Variants in PROSER1 observed in about 807,000 individuals in gnomAD.
PROSER1 encodes proline and serine-rich protein 1.
A neutral mutation model predicts 71.8 loss-of-function variants in PROSER1; 36 were observed. The observed-to-expected ratio is 0.50, with a 90% CI of 0.38 to 0.66. The LOEUF (loss-of-function observed/expected upper bound fraction) is 0.66. Among genes scored for constraint, PROSER1 ranks in the 30% least tolerant of loss-of-function variants. PROSER1 has a pLI of 0.00. For synonymous variants in PROSER1, 490 were observed against 452.4 expected, an observed-to-expected ratio of 1.08 and a Z score of -1.06; for missense variants, 1,107 against 1,135.0, an observed-to-expected ratio of 0.98 and a Z score of 0.35.
chr13:39,011,204 T>C lies in PROSER1; in HGVS notation c.*161A>G. On this transcript the variant is annotated 3_prime_UTR_variant, in exon 13 of 13. Transcript: ENST00000352251. ...TTTACATAGGGGAGTGTTCACACTT[T>C]AAAATGCAACCACAATTTTCAAATT... The C allele has an allele frequency of 4.2e-6, 3 of 711,844 alleles. No individual in the cohort carries two copies. The South Asian group carries it at 5.2e-5, about 12-fold the overall frequency. The allele number at this position is 711,844 out of a possible 1,614,324, so 44.1% of individuals were successfully genotyped here.
At chr13:39,011,782 G>A (rs543377541) in intron 12 of PROSER1, among the ~76,000 whole-genome samples, 1 of 152,270 alleles carries the variant, frequency 6.6e-6, no homozygotes, top group South Asian at 2.1e-4. Context: ...AATTACAGAA[G>A]ACAAGTTAAC....
intron 1 of PROSER1, among the ~76,000 whole-genome samples, chr13:39,034,766 TG>T (rs1871018789): frequency 6.6e-6 from 1 of 152,208 alleles, no homozygotes. Flanking sequence ...TAATTCCTTT[TG>T]AGCGTCCTCA....
chr13:39,036,759 A>G (rs1871129466), intron 1 of PROSER1, among the ~76,000 whole-genome samples: 1 of 152,234 alleles, frequency 6.6e-6, no homozygotes. Flanking sequence ...CAACGCAACA[A>G]ATATACTCTA....
At chr13:39,022,955 C>A in intron 8 of PROSER1, 97 bp downstream of exon 8, 1 of 978,194 alleles carries the variant, frequency 1.0e-6, no homozygotes, top group Non-Finnish European at 1.6e-6. Flanking sequence ...TTCATAAGTG[C>A]TACAGATTTG....
intron 5 of PROSER1, 121 bp downstream of exon 5, chr13:39,028,106 A>T: frequency 1.7e-6 from 1 of 571,766 alleles, no homozygotes; most frequent in East Asian, 3.0e-5. Context: ...GTTCATTTTT[A>T]ACCCATTGTA....
intron 1 of PROSER1, among the ~76,000 whole-genome samples, chr13:39,036,602 G>A (rs1308767615): frequency 6.6e-6 from 1 of 152,076 alleles, no homozygotes; most frequent in Non-Finnish European, 1.5e-5. Context: ...TGGGAAATGC[G>A]ATCCACACAA....
chr13:39,013,000 A>G lies in PROSER1; in HGVS notation c.2252T>C (p.Leu751Pro). Residue 751 changes from leucine to proline, a missense_variant, in exon 11 of 13, where the codon CTT (leucine) becomes CCT (proline). Coordinates refer to ENST00000352251, the MANE Select transcript of PROSER1 (RefSeq NM_025138.5). ...PSSTAAVLSG[L>P]SASAPVSAAP... ...TGCTGAGACTGGTGCTGAAGCAGAA[A>G]GCCCTGAGAGAACAGCTGCCGTTGA... The G allele has an allele frequency of 2.5e-6, 4 of 1,614,182 alleles. No individual in the cohort carries two copies. The highest frequency in any genetic ancestry group is 3.4e-6 in the Non-Finnish European group (4 of 1,180,016).
Position 39,026,395 on chromosome 13 carries a change from A to AT in PROSER1, c.370-9dup. On this transcript the variant is annotated splice_polypyrimidine_tract_variant and intron_variant, in intron 5 of 12. Transcript: ENST00000352251. ...GCAGCCCCCCTTGAAAGCCTGTAAT[A>AT]TAAGAAAGAAGAGGGGTAGGAAAAA... 1 of 1,585,224 alleles carries AT rather than the reference A, an allele frequency of 6.3e-7. No individual in the cohort carries two copies. Among genetic ancestry groups the AT allele is most frequent in the South Asian group, 1.1e-5 (1 of 88,450 alleles).
In PROSER1 at chr13:39,029,382, A is replaced by T; in HGVS notation, c.181-7T>A. 1 of 1,391,632 alleles carries T rather than the reference A, an allele frequency of 7.2e-7. No homozygotes were observed. 86.2% of individuals were successfully genotyped at this position (1,391,632 alleles called of 1,614,324 possible). On this transcript the variant is annotated splice_region_variant and splice_polypyrimidine_tract_variant and intron_variant, in intron 3 of 12. Transcript: ENST00000352251. ...GCTGGACAGCCACCATTTTCTGTTG[A>T]TATAAAAAATAATTTTATTTTTAAC...
chr13:39,012,809 C>A lies in PROSER1; in HGVS notation c.2443G>T (p.Val815Phe). The A allele has an allele frequency of 6.2e-7, 1 of 1,614,164 alleles. No individual in the cohort carries two copies. The highest frequency in any genetic ancestry group is 8.5e-7 in the Non-Finnish European group (1 of 1,180,036). The stretch of plus-strand genomic sequence containing the variant: ...ACAGGTAGTGGTGTGACAGCTGCGA[C>A]TGTAGAGGGCGCCTGCAGCCCCGGG... ...SFPGLQAPST[V>F]AAVTPLPVAA... Residue 815 changes from valine (V) to phenylalanine (F), a missense_variant, in exon 11 of 13, where the codon GTC becomes TTC. Coordinates refer to ENST00000352251, the MANE Select transcript of PROSER1 (RefSeq NM_025138.5).
rs573189164 is a variant in PROSER1 at position 39,034,906 on chromosome 13, G to GGGTGA, written c.46-715_46-711dup. The stretch of plus-strand genomic sequence containing the variant: ...CCTTTCCTTTTCGGAATCTATCAGT[G>GGGTGA]GGTGAGAGAGAAGTTGGTGGCTTTG... On this transcript the variant is annotated intron_variant, in intron 1 of 12. Coordinates refer to ENST00000352251, the MANE Select transcript of PROSER1 (RefSeq NM_025138.5). Among the ~76,000 whole-genome samples the GGGTGA allele has an allele frequency of 4.0e-4, 61 of 152,290 alleles. No homozygotes were observed. In the East Asian group the frequency reaches 0.011, roughly 27 times the overall value.
chr13:39,013,562 C>T lies in PROSER1; in HGVS notation c.1690G>A (p.Ala564Thr). ...GGCACTGACGTGGAAGCTGATGCAGCAGTGGCTAAAGGAGACTGTACAGGC... is the reference window on the plus strand; with the variant it reads ...GGCACTGACGTGGAAGCTGATGCAGTAGTGGCTAAAGGAGACTGTACAGGC... ...TLPVQSPLAT[A>T]ASASTSVPVS... The change falls in exon 11 of 13, where the codon GCT becomes ACT. Residue 564 changes from alanine (A) to threonine (T), a missense_variant. Coordinates refer to ENST00000352251, the MANE Select transcript of PROSER1 (RefSeq NM_025138.5). The T allele has an allele frequency of 6.2e-7, 1 of 1,614,114 alleles. No individual in the cohort carries two copies. Among genetic ancestry groups the T allele is most frequent in the Non-Finnish European group, 8.5e-7 (1 of 1,180,024 alleles).
At chr13:39,024,416 A>G (rs1870443608) in intron 7 of PROSER1, 57 bp downstream of exon 7, 1 of 1,288,604 alleles carries the variant, frequency 7.8e-7, no homozygotes, top group Non-Finnish European at 1.1e-6. Flanking sequence ...CTTTGAGTAA[A>G]AAGGAAACTT....
chr13:39,031,613 A>C lies in PROSER1; in HGVS notation c.130T>G (p.Tyr44Asp). Residue 44 changes from tyrosine (Y) to aspartate (D), a missense_variant, in exon 3 of 13, where the codon TAT becomes GAT. By Grantham distance (160) the Tyr-to-Asp change is radical. Transcript: ENST00000352251. The stretch of plus-strand genomic sequence containing the variant: ...AACTGGGGCTCGGCCCAGGAAAAAT[A>C]TCTCAGCAAATCAACCACCTGAAAA... ...SSEQVVDLLRYFSWAEPQLKA... is the reference protein window; with the variant it reads ...SSEQVVDLLRDFSWAEPQLKA... 1.2e-6 allele frequency: 2 copies of C among 1,613,332 alleles called. No homozygotes were observed. The highest frequency in any genetic ancestry group is 1.7e-6 in the Non-Finnish European group (2 of 1,179,718).
Position 39,013,804 on chromosome 13 carries a change from A to G in PROSER1, c.1448T>C (p.Leu483Ser). 2 of 1,614,248 alleles carry G rather than the reference A, an allele frequency of 1.2e-6. No individual in the cohort carries two copies. Among genetic ancestry groups the G allele is most frequent in the South Asian group, 2.2e-5 (2 of 91,090 alleles). ...KGFLTSNDTN[L>S]INSSALSSAV... is the part of the protein sequence containing the mutation. ...AGAGGATAAAGCAGAGGAGTTGATTAAATTGGTGTCATTGGATGTCAGAAA... is the reference window on the plus strand; with the variant it reads ...AGAGGATAAAGCAGAGGAGTTGATTGAATTGGTGTCATTGGATGTCAGAAA... The change falls in exon 11 of 13, where the codon TTA becomes TCA. Residue 483 changes from leucine (L) to serine (S), a missense_variant. Coordinates refer to ENST00000352251, the MANE Select transcript of PROSER1 (RefSeq NM_025138.5).
rs1482848617 is a variant in PROSER1, at chr13:39,013,046, T to C, written c.2206A>G (p.Thr736Ala). The C allele has an allele frequency of 6.2e-7, 1 of 1,613,692 alleles. No individual in the cohort carries two copies. Among genetic ancestry groups the C allele is most frequent in the Non-Finnish European group, 8.5e-7 (1 of 1,179,930 alleles). ...IATSSTAATS[T>A]SLPHPSSTAA... ...GTTGAGCTAGGATGAGGGAGAGATG[T>C]GGAGGTGGCAGCGGTAGATGAGGTG... The change falls in exon 11 of 13, where the codon ACA becomes GCA. Residue 736 changes from threonine (T) to alanine (A), a missense_variant. Coordinates refer to ENST00000352251, the MANE Select transcript of PROSER1 (RefSeq NM_025138.5).
At position 39,031,582 on chromosome 13, in the gene PROSER1, G is replaced by A. The variant is rs992305589; in HGVS notation, c.161C>T (p.Ala54Val). 8 of 1,611,358 alleles carry A rather than the reference G, an allele frequency of 5.0e-6. No individual in the cohort carries two copies. The highest frequency in any genetic ancestry group is 5.9e-6 in the Non-Finnish European group (7 of 1,179,008). ...YFSWAEPQLK[A>V]MKALQHKMVA... ...ACTTACATGCTGTAATGCTTTCATT[G>A]CCTTCAACTGGGGCTCGGCCCAGGA... is the stretch of plus-strand genomic sequence containing the variant. Residue 54 changes from alanine to valine, a missense_variant, in exon 3 of 13, where the codon GCA (alanine) becomes GTA (valine). By Grantham distance (64) the Ala-to-Val change is moderately conservative (BLOSUM62 0). Coordinates refer to ENST00000352251, the MANE Select transcript of PROSER1 (RefSeq NM_025138.5).
At chr13:39,026,474 G>T in intron 5 of PROSER1, 87 bp from the exon 6 acceptor site, 1 of 765,348 alleles carries the variant, frequency 1.3e-6, no homozygotes, top group South Asian at 1.8e-5. Context: ...AAAAAAACAT[G>T]AATTAAAGAA....
intron 2 of PROSER1, among the ~76,000 whole-genome samples, chr13:39,032,553 T>C (rs571859276): frequency 7.9e-4 from 120 of 152,284 alleles, no homozygotes; most frequent in African/African-American, 2.7e-3. Context: ...TGGTGCAAAC[T>C]GGAGTGGTAT....
Sources: gnomAD v4.1 joint callset for allele counts (sites outside exome capture counted in the v4.1 genomes callset) on GRCh38, gnomAD v4.1.1 for gene constraint, MANE v1.5 for transcripts, NCBI Gene and HGNC (gene_info 2026-07-23, HGNC 2026-07-21) for gene names.